MSI2: variants seen among roughly 807,000 people sequenced by gnomAD.
The protein encoded by MSI2 is RNA-binding protein Musashi homolog 2.
Under a neutral mutation model 45.6 loss-of-function variants are expected in MSI2, and 17 were observed. That is an observed-to-expected ratio of 0.37 (90% CI 0.26 to 0.56). The LOEUF is 0.56. Ranked by LOEUF, MSI2 falls within the 20% of genes least tolerant of loss-of-function variation. The pLI is 0.77. For missense variants in MSI2, 293 were observed against 444.2 expected (o/e 0.66, Z 3.06); for synonymous variants, 156 against 158.2 (o/e 0.99, Z 0.11).
chr17:57,450,263 G>GAAAGAAAGAAAGA (rs1323546112), intron 6 of MSI2: 1,375 of 18,858 alleles, frequency 0.073, 89 homozygotes, highest in African/African-American at 0.12. Flanking sequence ...CTTAAAGAAA[G>GAAAGAAAGAAAGA]AAAGAAAGAA....
At chr17:57,364,101 G>A (rs570649795) in intron 5 of MSI2, among the ~76,000 whole-genome samples, 1 of 152,256 alleles carries the variant, frequency 6.6e-6, no homozygotes, top group African/African-American at 2.4e-5. Flanking sequence ...TAATTATTGT[G>A]TTCTATTTTA....
chr17:57,463,707 C>T (rs970165453), intron 6 of MSI2, among the ~76,000 whole-genome samples: 3 of 152,124 alleles, frequency 2.0e-5, no homozygotes, highest in Non-Finnish European at 4.4e-5. Context: ...ACCCACTGCT[C>T]CAGCCCCCTG....
downstream of MSI2, among the ~76,000 whole-genome samples, chr17:57,686,531 TA>T (rs1462542586): frequency 9.2e-5 from 14 of 152,196 alleles, no homozygotes; most frequent in East Asian, 2.7e-3. Context: ...CAAACACACT[TA>T]AAGTGATGAA....
chr17:57,291,833 G>A (rs530146432), intron 5 of MSI2, among the ~76,000 whole-genome samples: 6 of 152,162 alleles, frequency 3.9e-5, no homozygotes, highest in African/African-American at 1.4e-4. Context: ...TGGAACTGAA[G>A]ACCCCACTGT....
chr17:57,516,011 C>A lies in MSI2; in HGVS notation c.406-13665C>A, dbSNP rs180758596. 8.5e-5 allele frequency among the ~76,000 whole-genome samples: 13 copies of A among 152,278 alleles called. No individual in the cohort carries two copies. The East Asian group carries it at 2.1e-3, about 25-fold the overall frequency. On this transcript the variant is annotated intron_variant, in intron 6 of 13. Transcript: ENST00000284073. ...CAGCTTCCCACAATGATAGTACTCC[C>A]ATAACCACAGTACTTTGTTAAAGCC...
At chr17:57,497,612 A>G (rs555263254) in intron 6 of MSI2, among the ~76,000 whole-genome samples, 3 of 152,326 alleles carry the variant, frequency 2.0e-5, no homozygotes, top group Non-Finnish European at 2.9e-5. Context: ...CTAGTCCTGT[A>G]CTTTTTTTAA....
At chr17:57,383,189 A>G (rs2083627367) in intron 5 of MSI2, among the ~76,000 whole-genome samples, 1 of 152,206 alleles carries the variant, frequency 6.6e-6, no homozygotes, top group African/African-American at 2.4e-5. Context: ...ACAACTATAC[A>G]AGATTATCAT....
Position 57,663,378 on chromosome 17 carries a change from G to T in MSI2, c.790+11217G>T, listed in dbSNP as rs145676871. Among the ~76,000 whole-genome samples, 802 of 152,348 alleles carry T rather than the reference G, an allele frequency of 5.3e-3. 3 individuals are homozygous for T. Among genetic ancestry groups the T allele is most frequent in the South Asian group, 9.5e-3 (46 of 4,828 alleles). Reference sequence around the variant, plus strand: ...AATATTAATAAAATGGTCTGCCCAGGTCTGTGGTAAACATTTGATGCCTGC... The same window carrying T: ...AATATTAATAAAATGGTCTGCCCAGTTCTGTGGTAAACATTTGATGCCTGC... On this transcript the variant is annotated intron_variant, in intron 11 of 13. Coordinates refer to ENST00000284073, the MANE Select transcript of MSI2 (RefSeq NM_138962.4).
At chr17:57,277,546 C>T (rs1048928233) in intron 5 of MSI2, among the ~76,000 whole-genome samples, 3 of 152,140 alleles carry the variant, frequency 2.0e-5, no homozygotes, top group Non-Finnish European at 2.9e-5. Context: ...CATCTGTAGA[C>T]GGGAAGAATG....
At chr17:57,515,350 C>G (rs1370937158) in intron 6 of MSI2, among the ~76,000 whole-genome samples, 1 of 152,160 alleles carries the variant, frequency 6.6e-6, no homozygotes, top group African/African-American at 2.4e-5. Context: ...ATTACAGGCG[C>G]CTGTCACCAT....
At position 57,257,838 on chromosome 17, in the gene MSI2, G is replaced by GTTT. The variant is rs200658768; in HGVS notation, c.185+300_185+302dup. 9.4e-5 allele frequency among the ~76,000 whole-genome samples: 14 copies of GTTT among 148,254 alleles called. No homozygotes were observed. In the South Asian group the frequency reaches 1.1e-3, roughly 11 times the overall value. Reference sequence around the variant, plus strand: ...ATTCAGCTTCATTTACTTTCGCATAGTTTTTTTTTTTCTTTTGATCTTAAT... The same window carrying GTTT: ...ATTCAGCTTCATTTACTTTCGCATAGTTTTTTTTTTTTTTCTTTTGATCTTAAT... On this transcript the variant is annotated intron_variant, in intron 3 of 13. Transcript: ENST00000284073.
intron 6 of MSI2, among the ~76,000 whole-genome samples, chr17:57,406,170 C>T (rs1215471134): frequency 6.6e-6 from 1 of 152,164 alleles, no homozygotes; most frequent in Non-Finnish European, 1.5e-5. Context: ...ATTCCATACA[C>T]ACAGGAATGA....
chr17:57,504,697 G>C (rs1372710261), intron 6 of MSI2, among the ~76,000 whole-genome samples: 1 of 152,164 alleles, frequency 6.6e-6, no homozygotes, highest in Non-Finnish European at 1.5e-5. Context: ...TTGGGAGGCC[G>C]AGGCGGGTGG....
intron 10 of MSI2, among the ~76,000 whole-genome samples, chr17:57,639,207 A>T (rs1321297093): frequency 6.6e-6 from 1 of 152,188 alleles, no homozygotes; most frequent in Non-Finnish European, 1.5e-5. Context: ...GGACATAAAC[A>T]TTCAGACCAT....
intron 6 of MSI2, among the ~76,000 whole-genome samples, chr17:57,443,142 G>A (rs1467435626): frequency 1.3e-5 from 2 of 152,128 alleles, no homozygotes; most frequent in Non-Finnish European, 2.9e-5. Context: ...CAGCCAAGCC[G>A]GCTGGCTGGG....
In MSI2 at chr17:57,379,052, G is replaced by C. The variant is rs16958284; in HGVS notation, c.313-22327G>C. On this transcript the variant is annotated intron_variant, in intron 5 of 13. Transcript: ENST00000284073. ...GTCTATCTCGCTTTTGCTCTTTTGCGTGTGTTCTGCAGACCGACCAGAGGT... is the reference window on the plus strand; with the variant it reads ...GTCTATCTCGCTTTTGCTCTTTTGCCTGTGTTCTGCAGACCGACCAGAGGT... 2.7e-3 allele frequency among the ~76,000 whole-genome samples: 414 copies of C among 151,988 alleles called. 4 individuals carry two copies. The highest frequency in any genetic ancestry group is 9.7e-3 in the African/African-American group (403 of 41,448).
intron 5 of MSI2, among the ~76,000 whole-genome samples, chr17:57,348,616 C>A (rs191284762): frequency 2.0e-5 from 3 of 152,304 alleles, no homozygotes; most frequent in Admixed American, 2.0e-4. Flanking sequence ...CATTGGCTCC[C>A]CTTCCCCCTC....
intron 11 of MSI2, among the ~76,000 whole-genome samples, chr17:57,667,554 A>G (rs1912460127): frequency 6.6e-6 from 1 of 152,112 alleles, no homozygotes; most frequent in African/African-American, 2.4e-5. Context: ...GGCCCCAGTG[A>G]CTGCCTCATG....
At chr17:57,585,847 CAG>C (rs2088331322) in intron 7 of MSI2, among the ~76,000 whole-genome samples, 1 of 152,252 alleles carries the variant, frequency 6.6e-6, no homozygotes, top group African/African-American at 2.4e-5. Flanking sequence ...GTTTCCAGAG[CAG>C]ATGCGGAGGC....
Sources: allele counts gnomAD v4.1 joint callset (sites outside exome capture counted in the v4.1 genomes callset), GRCh38; gene constraint gnomAD v4.1.1; transcripts MANE v1.5; gene names NCBI Gene and HGNC (gene_info 2026-07-23, HGNC 2026-07-21).